The following MYT1 variants were observed in gnomAD, a reference collection of about 807,000 sequenced individuals.
The protein encoded by MYT1 is myelin transcription factor I.
A neutral mutation model predicts 123.0 loss-of-function variants in MYT1; 23 were observed. The observed-to-expected ratio is 0.19, with a 90% CI of 0.13 to 0.26. The LOEUF is 0.26. Among genes scored for constraint, MYT1 ranks in the 10% least tolerant of loss-of-function variants. MYT1 has a pLI of 1.00. For synonymous variants in MYT1, 518 were observed against 575.3 expected (o/e 0.90, Z 1.43); for missense variants, 1,125 against 1,472.5 (o/e 0.76, Z 3.86).
chr20:64,210,740 G>C (rs1407300893), intron 7 of MYT1, among the ~76,000 whole-genome samples: 1 of 152,232 alleles, frequency 6.6e-6, no homozygotes, highest in African/African-American at 2.4e-5. Context: ...CTGAGATTTG[G>C]GTTTACATTT....
intron 5 of MYT1, 74 bp downstream of exon 5, chr20:64,205,171 G>A: frequency 1.3e-6 from 2 of 1,527,084 alleles, no homozygotes; most frequent in Non-Finnish European, 1.8e-6. Flanking sequence ...TGCAGATGGA[G>A]AACTTTCCAT....
chr20:64,180,204 TAC>T (rs1296008734), intron 1 of MYT1, among the ~76,000 whole-genome samples: 1 of 151,914 alleles, frequency 6.6e-6, no homozygotes, highest in South Asian at 2.1e-4. Flanking sequence ...ACACACATGC[TAC>T]ACACACACAG....
chr20:64,235,931 C>T (rs866137790), intron 19 of MYT1, among the ~76,000 whole-genome samples: 85 of 22,110 alleles, frequency 3.8e-3, no homozygotes, highest in Middle Eastern at 0.038. Flanking sequence ...GGGCTGGCCG[C>T]GGTGGGTGAC....
chr20:64,225,351 C>T (rs977624699), intron 16 of MYT1, among the ~76,000 whole-genome samples: 16 of 152,216 alleles, frequency 1.1e-4, no homozygotes, highest in African/African-American at 3.9e-4. Context: ...CCTGTCCGCA[C>T]CTGGCTGCAG....
chr20:64,227,525 A>T (rs1291711833), intron 17 of MYT1, 48 bp downstream of exon 17: 3 of 1,538,676 alleles, frequency 1.9e-6, no homozygotes, highest in Non-Finnish European at 2.7e-6. Context: ...GTGGGCAGGG[A>T]GTCTCTTCCT....
At position 64,212,329 on chromosome 20, in the gene MYT1, G is replaced by C. The variant is rs936643922; in HGVS notation, c.1517+191G>C. ...GTCCCTGCCTGGGCCGTGAGCCCGT[G>C]ACCTGGGACGGGGCTCTGGCCTGCC... On this transcript the variant is annotated intron_variant, in intron 9 of 22. Coordinates refer to ENST00000328439, the MANE Select transcript of MYT1 (RefSeq NM_004535.3). This position sits in a 1 kb window ranked among gnomAD's most constrained non-coding sequence, Gnocchi z 6.8. Among the ~76,000 whole-genome samples, 10 of 152,240 alleles carry C rather than the reference G, an allele frequency of 6.6e-5. No homozygotes were observed. The highest frequency in any genetic ancestry group is 2.4e-4 in the African/African-American group (10 of 41,532).
chr20:64,196,442 G>T lies in MYT1; in HGVS notation c.1-2420G>T, dbSNP rs184874403. On this transcript the variant is annotated intron_variant, in intron 2 of 22. Coordinates refer to ENST00000328439, the MANE Select transcript of MYT1 (RefSeq NM_004535.3). The surrounding 1 kb of genome is among the most constrained non-coding windows in gnomAD (Gnocchi z 4.3). ...GACTTCTTTCGAAAAGAAAAGTGAT[G>T]TAAATCAAGCAGTGCTGGTTTTGTC... is the stretch of plus-strand genomic sequence containing the variant. Among the ~76,000 whole-genome samples the T allele has an allele frequency of 6.6e-6, 1 of 152,264 alleles. No homozygotes were observed.
intron 2 of MYT1, 138 bp from the exon 3 acceptor site, chr20:64,198,724 C>T: frequency 2.3e-6 from 2 of 852,550 alleles, no homozygotes; most frequent in Non-Finnish European, 3.8e-6. Flanking sequence ...CCTGTGAGCC[C>T]ATCCTTGTCA....
At chr20:64,199,748 G>T in intron 3 of MYT1, 144 bp from the exon 4 acceptor site, 1 of 919,914 alleles carries the variant, frequency 1.1e-6, no homozygotes, top group Non-Finnish European at 1.8e-6. Context: ...GCGCCCTGGG[G>T]AAACGGCTCA....
chr20:64,164,938 C>T (rs938264433), intron 1 of MYT1, among the ~76,000 whole-genome samples, 199 bp downstream of exon 1: 1 of 152,026 alleles, frequency 6.6e-6, no homozygotes, highest in Non-Finnish European at 1.5e-5. Context: ...CCTGGCCTGC[C>T]GTGTGCTGTT....
At chr20:64,214,308 C>T (rs1019245110) in intron 10 of MYT1, among the ~76,000 whole-genome samples, 1 of 140,642 alleles carries the variant, frequency 7.1e-6, no homozygotes, top group Non-Finnish European at 1.6e-5. Flanking sequence ...TATGTGAACA[C>T]GTGGGAGCGT....
In MYT1 at chr20:64,199,530, G is replaced by T. The variant is rs114334605; in HGVS notation, c.56-362G>T. 8.8e-3 allele frequency among the ~76,000 whole-genome samples: 1,347 copies of T among 152,296 alleles called. 27 individuals are homozygous for T. The highest frequency in any genetic ancestry group is 0.031 in the African/African-American group (1,293 of 41,562). On this transcript the variant is annotated intron_variant, in intron 3 of 22. Transcript: ENST00000328439. ...CTTGATCTGGTGGTTTGTGTTTCCT[G>T]CCAAAAGCTGACTTCTATCTGCAAT...
At chr20:64,180,306 A>T (rs1262111351) in intron 1 of MYT1, among the ~76,000 whole-genome samples, 2 of 152,240 alleles carry the variant, frequency 1.3e-5, no homozygotes, top group African/African-American at 4.8e-5. Flanking sequence ...ACACAAGTTC[A>T]TATTGATAAC....
In MYT1 at chr20:64,236,571, A is replaced by G. The variant is rs773020166; in HGVS notation, c.2914A>G (p.Arg972Gly). Residue 972 changes from arginine (R) to glycine (G), a missense_variant, in exon 20 of 23, where the codon AGA becomes GGA. By Grantham distance (125) the Arg-to-Gly change is moderately radical (BLOSUM62 -2). Transcript: ENST00000328439. The stretch of plus-strand genomic sequence containing the variant: ...TGCTTCCAGTTTGTCAGGCTGTCCC[A>G]GAGCAACCTTTGCTGGAAAGAAGGG... The part of the protein sequence containing the change: ...LTHRSLSGCP[R>G]ATFAGKKGKL... 1.2e-6 allele frequency: 2 copies of G among 1,613,666 alleles called. No individual in the cohort carries two copies. Among genetic ancestry groups the G allele is most frequent in the Non-Finnish European group, 1.7e-6 (2 of 1,179,822 alleles).
chr20:64,198,110 C>T (rs1221174070), intron 2 of MYT1, among the ~76,000 whole-genome samples: 2 of 151,716 alleles, frequency 1.3e-5, no homozygotes, highest in Non-Finnish European at 2.9e-5. Flanking sequence ...ACGGTGAAAC[C>T]CCGTCTCTAC....
At chr20:64,211,605 C>T (rs1983667842) in intron 8 of MYT1, among the ~76,000 whole-genome samples, 1 of 152,172 alleles carries the variant, frequency 6.6e-6, no homozygotes, top group Non-Finnish European at 1.5e-5. Flanking sequence ...AGTAACAGAT[C>T]GATGGGAGGG....
chr20:64,169,107 G>T (rs1601695717), intron 1 of MYT1, among the ~76,000 whole-genome samples: 1 of 152,304 alleles, frequency 6.6e-6, no homozygotes, highest in Non-Finnish European at 1.5e-5. Flanking sequence ...CCTCTCACCT[G>T]GTCCTGGGGG....
At position 64,203,303 on chromosome 20, in the gene MYT1, G is replaced by A. The variant is rs370515874; in HGVS notation, c.87-1732G>A. On this transcript the variant is annotated intron_variant, in intron 4 of 22. Transcript: ENST00000328439. This position sits in a 1 kb window ranked among gnomAD's most constrained non-coding sequence, Gnocchi z 5.1. ...ACTCAGTGATGTCATCGGCTAATTG[G>A]GACCTTAGCTTCAAATCCCCATTAA... 2.6e-5 allele frequency among the ~76,000 whole-genome samples: 4 copies of A among 152,218 alleles called. No individual in the cohort carries two copies. Among genetic ancestry groups the A allele is most frequent in the African/African-American group, 7.2e-5 (3 of 41,452 alleles).
chr20:64,169,956 C>T (rs992607419), intron 1 of MYT1, among the ~76,000 whole-genome samples: 5 of 149,116 alleles, frequency 3.4e-5, no homozygotes, highest in Non-Finnish European at 5.9e-5. Context: ...CCCTCACAGT[C>T]CCACCCAGCC....
Sources: gnomAD v4.1 joint callset for allele counts (sites outside exome capture counted in the v4.1 genomes callset) on GRCh38, gnomAD v4.1.1 for gene constraint, Gnocchi (gnomAD v3.1) non-coding constraint, MANE v1.5 for transcripts, NCBI Gene and HGNC (gene_info 2026-07-23, HGNC 2026-07-21) for gene names.